The following LRIT1 variants were observed in gnomAD, a reference collection of about 807,000 sequenced individuals.
LRIT1 encodes leucine rich repeat, Ig-like and transmembrane domains 1, also known as leucine-rich repeat, immunoglobulin-like domain and transmembrane domain-containing protein 1.
Under a neutral mutation model 24.0 loss-of-function variants are expected in LRIT1, and 23 were observed. The ratio of observed to expected loss-of-function variants is 0.96; its 90% CI spans 0.69 to 1.36. LRIT1 has a LOEUF of 1.36. Ranked by LOEUF, LRIT1 falls within the 40% of genes most tolerant of loss-of-function variation. The pLI is 0.00. For missense variants in LRIT1, 846 were observed against 806.3 expected (o/e 1.05, Z -0.60); for synonymous variants, 361 against 340.5 (o/e 1.06, Z -0.66).
At chr10:84,233,523 C>T (rs948877443) in intron 3 of LRIT1, among the ~76,000 whole-genome samples, 5 of 152,022 alleles carry the variant, frequency 3.3e-5, no homozygotes, top group Non-Finnish European at 7.4e-5. Flanking sequence ...TGTGCTGGAA[C>T]CCCAGCTCCT....
intron 3 of LRIT1, 62 bp from the exon 4 acceptor site, chr10:84,232,965 C>T: frequency 1.9e-6 from 3 of 1,547,352 alleles, no homozygotes; most frequent in Non-Finnish European, 2.6e-6. Context: ...AGCTGCCTTT[C>T]AGGGCCAAGT....
At chr10:84,235,327 C>T (rs1184716809) in intron 2 of LRIT1, among the ~76,000 whole-genome samples, 1 of 152,160 alleles carries the variant, frequency 6.6e-6, no homozygotes, top group East Asian at 1.9e-4. Context: ...TCCCCCTCAC[C>T]CCATCTCACC....
At chr10:84,238,704 A>G (rs1418749953) in intron 1 of LRIT1, among the ~76,000 whole-genome samples, 1 of 152,240 alleles carries the variant, frequency 6.6e-6, no homozygotes, top group African/African-American at 2.4e-5. Flanking sequence ...GCCACCCTGC[A>G]TGAGCCCAAG....
intron 1 of LRIT1, among the ~76,000 whole-genome samples, 154 bp from the exon 2 acceptor site, chr10:84,237,840 G>A (rs1842665193): frequency 6.6e-6 from 1 of 152,166 alleles, no homozygotes; most frequent in South Asian, 2.1e-4. Context: ...AGAGGGGCCC[G>A]GAGTAAGCAG....
At position 84,237,560 on chromosome 10, in the gene LRIT1, G is replaced by T. The variant is rs1426242514; in HGVS notation, c.249C>A (p.Gly83=). ...RVPGEAFRPL[G]RLEQLWLPYN... ...AAGGCAGCCACAGCTGCTCCAGGCG[G>T]CCCAGGGGCCTGAAGGCCTCGCCAG... Residue 83 remains glycine, a synonymous_variant, in exon 2 of 4, where the codon GGC becomes GGA. Transcript: ENST00000372105. 6.2e-7 allele frequency: 1 copy of T among 1,606,110 alleles called. No homozygotes were observed. Among genetic ancestry groups the T allele is most frequent in the East Asian group, 2.2e-5 (1 of 44,852 alleles).
rs1477908558 is a variant in LRIT1 at position 84,237,387 on chromosome 10, T to G, written c.422A>C (p.Asn141Thr). ...CTCAGCGGGCACAGCCGAGAGGCGG[T>G]TGGCCTGCAGGTCCAGCAGCCGCAG... is the stretch of plus-strand genomic sequence containing the variant. ...PKLRLLDLQA[N>T]RLSAVPAEAA... The change falls in exon 2 of 4, where the codon AAC becomes ACC. Residue 141 changes from asparagine (N) to threonine (T), a missense_variant. Transcript: ENST00000372105. The G allele has an allele frequency of 6.5e-7, 1 of 1,548,528 alleles. No individual in the cohort carries two copies. The highest frequency in any genetic ancestry group is 1.2e-5 in the South Asian group (1 of 84,098).
intron 3 of LRIT1, among the ~76,000 whole-genome samples, chr10:84,233,364 G>C (rs575674492): frequency 1.3e-5 from 2 of 151,798 alleles, no homozygotes; most frequent in Admixed American, 6.5e-5. Flanking sequence ...TTGCGACAAG[G>C]TCTCACTATG....
intron 1 of LRIT1, among the ~76,000 whole-genome samples, chr10:84,238,418 C>T (rs867817058): frequency 2.6e-5 from 4 of 151,774 alleles, no homozygotes; most frequent in Non-Finnish European, 2.9e-5. Flanking sequence ...TTTGGTTTAT[C>T]GTTTAACAAA....
intron 1 of LRIT1, among the ~76,000 whole-genome samples, chr10:84,239,855 A>G (rs1842678926): frequency 6.6e-6 from 1 of 152,210 alleles, no homozygotes; most frequent in Admixed American, 6.5e-5. Context: ...GTCTGTGCCC[A>G]TAGCCACAGG....
In LRIT1 at chr10:84,234,358, C is replaced by T. The variant is rs201471765; in HGVS notation, c.610G>A (p.Ala204Thr). 7.0e-6 allele frequency: 11 copies of T among 1,567,050 alleles called. No homozygotes were observed. Among genetic ancestry groups the T allele is most frequent in the East Asian group, 4.5e-5 (2 of 44,200 alleles). ...AGGTCATAGAGTCGGCAGTCACATG[C>T]CCAGGGGTTGTCCTGTAGCCCTGCA... is the stretch of plus-strand genomic sequence containing the variant. ...RVLGLQDNPW[A>T]CDCRLYDLVH... is the part of the protein sequence containing the mutation. Residue 204 changes from alanine to threonine, a missense_variant, in exon 3 of 4, where the codon GCA (alanine) becomes ACA (threonine). Ala to Thr is a moderately conservative substitution (Grantham distance 58). Transcript: ENST00000372105.
chr10:84,233,498 G>T (rs752371164), intron 3 of LRIT1, among the ~76,000 whole-genome samples: 2 of 109,946 alleles, frequency 1.8e-5, no homozygotes, highest in Non-Finnish European at 3.5e-5. Flanking sequence ...ATTTTGCAAA[G>T]GTGATCAGCT....
Position 84,241,353 on chromosome 10 carries a change from G to T in LRIT1, c.87C>A (p.Cys29Ter), listed in dbSNP as rs767598228. The change falls in exon 1 of 4, where the codon TGC (cysteine) becomes TGA (stop). Residue 29 changes from cysteine to a stop codon, truncating the protein, a stop_gained. Coordinates refer to ENST00000372105, the MANE Select transcript of LRIT1 (RefSeq NM_015613.3). LOFTEE classifies it high-confidence loss of function. Reference sequence around the variant, plus strand: ...TGCCATCACCCATGATATGGAGGCTGCAGCTGCATTGAGAGGGGCAGAAGC... The same window carrying T: ...TGCCATCACCCATGATATGGAGGCTTCAGCTGCATTGAGAGGGGCAGAAGC... ...ARGFCPSQCS[C>*]SLHIMGDGSK... 4.3e-6 allele frequency: 7 copies of T among 1,613,702 alleles called. No individual in the cohort carries two copies. In the South Asian group the frequency reaches 7.7e-5, roughly 18 times the overall value.
Position 84,237,638 on chromosome 10 carries a change from G to A in LRIT1, c.171C>T (p.Ile57=), listed in dbSNP as rs1351805936. ...DPDMTLPPAS[I]PPDTSRLRLE... ...GGCGCAGTCTGGAGGTGTCCGGGGG[G>A]ATGGACGCCGGGGGCAGGGTCATGT... The change falls in exon 2 of 4, where the codon ATC becomes ATT. Residue 57 remains isoleucine (I), a synonymous_variant. Coordinates refer to ENST00000372105, the MANE Select transcript of LRIT1 (RefSeq NM_015613.3). 6.2e-7 allele frequency: 1 copy of A among 1,605,702 alleles called. No homozygotes were observed. The highest frequency in any genetic ancestry group is 2.2e-5 in the East Asian group (1 of 44,826).
intron 2 of LRIT1, among the ~76,000 whole-genome samples, chr10:84,235,858 G>A (rs919409189): frequency 7.2e-5 from 11 of 151,734 alleles, no homozygotes; most frequent in African/African-American, 1.9e-4. Flanking sequence ...TGATCCACCC[G>A]TCTCGGCCTC....
rs200640196 is a variant in LRIT1, at chr10:84,237,406, G to A, written c.403C>T (p.Leu135=). ...AALRDAPKLR[L]LDLQANRLSA... ...AGGCGGTTGGCCTGCAGGTCCAGCAGCCGCAGCTTGGGGGCGTCCCTGAGC... is the reference window on the plus strand; with the variant it reads ...AGGCGGTTGGCCTGCAGGTCCAGCAACCGCAGCTTGGGGGCGTCCCTGAGC... Residue 135 remains leucine, a synonymous_variant, in exon 2 of 4, where the codon CTG becomes TTG. Coordinates refer to ENST00000372105, the MANE Select transcript of LRIT1 (RefSeq NM_015613.3). 1 of 1,547,230 alleles carries A rather than the reference G, an allele frequency of 6.5e-7. No homozygotes were observed. The highest frequency in any genetic ancestry group is 1.4e-5 in the African/African-American group (1 of 73,196).
At chr10:84,240,413 C>T (rs1322153047) in intron 1 of LRIT1, among the ~76,000 whole-genome samples, 1 of 152,218 alleles carries the variant, frequency 6.6e-6, no homozygotes, top group Non-Finnish European at 1.5e-5. Context: ...CCAATCAACT[C>T]GACATTCATT....
At chr10:84,233,427 C>T (rs1301212377) in intron 3 of LRIT1, among the ~76,000 whole-genome samples, 1 of 152,124 alleles carries the variant, frequency 6.6e-6, no homozygotes, top group East Asian at 1.9e-4. Flanking sequence ...CTCAGCCTCC[C>T]AAAGTGCTAG....
intron 1 of LRIT1, among the ~76,000 whole-genome samples, chr10:84,240,284 C>G (rs1842682116): frequency 6.6e-6 from 1 of 152,174 alleles, no homozygotes; most frequent in African/African-American, 2.4e-5. Flanking sequence ...GGGACAGGAC[C>G]CTTACACTTC....
chr10:84,237,421 C>G lies in LRIT1; in HGVS notation c.388G>C (p.Ala130Pro), dbSNP rs1294884562. The change falls in exon 2 of 4, where the codon GCC (alanine) becomes CCC (proline). Residue 130 changes from alanine to proline, a missense_variant. Physicochemically the swap from Ala to Pro is conservative, Grantham distance 27. Coordinates refer to ENST00000372105, the MANE Select transcript of LRIT1 (RefSeq NM_015613.3). Reference protein sequence around the residue: ...AAFPWAALRDAPKLRLLDLQA... With the variant: ...AAFPWAALRDPPKLRLLDLQA... Reference sequence around the variant, plus strand: ...AGGTCCAGCAGCCGCAGCTTGGGGGCGTCCCTGAGCGCCGCCCAGGGGAAG... The same window carrying G: ...AGGTCCAGCAGCCGCAGCTTGGGGGGGTCCCTGAGCGCCGCCCAGGGGAAG... 6.5e-7 allele frequency: 1 copy of G among 1,546,076 alleles called. No individual in the cohort carries two copies. The highest frequency in any genetic ancestry group is 1.2e-5 in the South Asian group (1 of 84,430).
Sources: gnomAD v4.1 joint callset for allele counts (sites outside exome capture counted in the v4.1 genomes callset) on GRCh38, gnomAD v4.1.1 for gene constraint, MANE v1.5 for transcripts, NCBI Gene and HGNC (gene_info 2026-07-23, HGNC 2026-07-21) for gene names.